Variants in PLCXD3 observed in about 807,000 individuals in gnomAD.
PLCXD3 encodes phosphatidylinositol specific phospholipase C X domain containing 3, also known as PI-PLC X domain-containing protein 3.
A neutral mutation model predicts 25.5 loss-of-function variants in PLCXD3; 19 were observed. That is an observed-to-expected ratio of 0.75 (90% CI 0.52 to 1.09). The LOEUF is 1.09. Ranked by LOEUF, PLCXD3 falls within the 50% of genes least tolerant of loss-of-function variation. The pLI is 0.00. For missense variants in PLCXD3, 411 were observed against 388.1 expected, an observed-to-expected ratio of 1.06 and a Z score of -0.50; for synonymous variants, 174 against 137.6, an observed-to-expected ratio of 1.26 and a Z score of -1.85.
intron 1 of PLCXD3, among the ~76,000 whole-genome samples, chr5:41,395,796 G>C (rs909965423): frequency 1.3e-5 from 2 of 152,066 alleles, no homozygotes; most frequent in African/African-American, 2.4e-5. Flanking sequence ...CAAGTAATGA[G>C]ATTGAAGCTG....
At chr5:41,340,986 C>T (rs1744124286) in intron 2 of PLCXD3, among the ~76,000 whole-genome samples, 1 of 151,894 alleles carries the variant, frequency 6.6e-6, no homozygotes, top group Non-Finnish European at 1.5e-5. Context: ...TGTTAATATC[C>T]CACCAAAGTA....
chr5:41,447,461 G>A (rs976652522), intron 1 of PLCXD3, among the ~76,000 whole-genome samples: 2 of 152,192 alleles, frequency 1.3e-5, no homozygotes, highest in African/African-American at 4.8e-5. Flanking sequence ...AAGAGAGAAG[G>A]AAGGAGGGAA....
chr5:41,433,280 C>A (rs1031369058), intron 1 of PLCXD3, among the ~76,000 whole-genome samples: 1 of 152,192 alleles, frequency 6.6e-6, no homozygotes, highest in Non-Finnish European at 1.5e-5. Context: ...ATGACACTAA[C>A]CTCATCTCCT....
At chr5:41,473,495 C>A (rs1468315670) in intron 1 of PLCXD3, among the ~76,000 whole-genome samples, 1 of 151,812 alleles carries the variant, frequency 6.6e-6, no homozygotes, top group African/African-American at 2.4e-5. Flanking sequence ...TGAGACGAGT[C>A]TTTCTCTGTT....
intron 1 of PLCXD3, among the ~76,000 whole-genome samples, chr5:41,442,818 G>A (rs902498119): frequency 6.6e-6 from 1 of 151,918 alleles, no homozygotes; most frequent in Admixed American, 6.6e-5. Flanking sequence ...CATTACTCTT[G>A]TCTTCCTTGT....
At chr5:41,445,844 T>C (rs1747482277) in intron 1 of PLCXD3, among the ~76,000 whole-genome samples, 1 of 151,992 alleles carries the variant, frequency 6.6e-6, no homozygotes, top group Admixed American at 6.6e-5. Flanking sequence ...TCATGATAAG[T>C]AATTAATTAA....
At chr5:41,491,804 C>A in intron 1 of PLCXD3, among the ~76,000 whole-genome samples, 1 of 152,046 alleles carries the variant, frequency 6.6e-6, no homozygotes, top group Admixed American at 6.5e-5. Context: ...TTCCTTCATC[C>A]TTTTATTTTG....
chr5:41,372,739 G>T (rs1472767594), intron 2 of PLCXD3, among the ~76,000 whole-genome samples: 2 of 151,926 alleles, frequency 1.3e-5, no homozygotes, highest in Admixed American at 1.3e-4. Context: ...GGACCCCAGA[G>T]AAACCTTAAA....
intron 1 of PLCXD3, among the ~76,000 whole-genome samples, chr5:41,405,427 C>A (rs1380998): frequency 0.27 from 41,584 of 151,952 alleles, 6,199 homozygotes; most frequent in African/African-American, 0.36. Context: ...ATCGTCTACC[C>A]CTCCTCCTAT....
intron 2 of PLCXD3, among the ~76,000 whole-genome samples, chr5:41,344,629 A>T (rs1329354484): frequency 6.6e-6 from 1 of 152,136 alleles, no homozygotes; most frequent in Non-Finnish European, 1.5e-5. Flanking sequence ...GACTGACATC[A>T]GTTAACAGAA....
chr5:41,433,405 G>T (rs1000671899), intron 1 of PLCXD3, among the ~76,000 whole-genome samples: 24 of 151,782 alleles, frequency 1.6e-4, no homozygotes, highest in Non-Finnish European at 1.0e-4. Flanking sequence ...TATTCACCAG[G>T]TACCTAAGGA....
chr5:41,365,372 AC>A (rs1426085922), intron 2 of PLCXD3, among the ~76,000 whole-genome samples: 1 of 152,208 alleles, frequency 6.6e-6, no homozygotes, highest in African/African-American at 2.4e-5. Flanking sequence ...TGAAGAAGTC[AC>A]TTTTGCCATC....
At chr5:41,381,111 T>A (rs912111401) in intron 2 of PLCXD3, among the ~76,000 whole-genome samples, 1 of 152,174 alleles carries the variant, frequency 6.6e-6, no homozygotes, top group Non-Finnish European at 1.5e-5. Flanking sequence ...TTGAACCTCA[T>A]TTTTTAAATC....
At chr5:41,482,525 T>A (rs1465004230) in intron 1 of PLCXD3, among the ~76,000 whole-genome samples, 1 of 152,154 alleles carries the variant, frequency 6.6e-6, no homozygotes, top group Admixed American at 6.5e-5. Context: ...GATATCACAC[T>A]AAAGAAGGAG....
chr5:41,489,323 G>A (rs566513559), intron 1 of PLCXD3, among the ~76,000 whole-genome samples: 1 of 152,046 alleles, frequency 6.6e-6, no homozygotes, highest in Non-Finnish European at 1.5e-5. Flanking sequence ...TGCTGTTTTG[G>A]TTACTGTAGC....
chr5:41,422,246 C>G (rs1746846699), intron 1 of PLCXD3, among the ~76,000 whole-genome samples: 2 of 152,160 alleles, frequency 1.3e-5, no homozygotes, highest in African/African-American at 2.4e-5. Flanking sequence ...TTCACATACG[C>G]CTTCTCCGTT....
At chr5:41,451,849 C>T (rs1747639748) in intron 1 of PLCXD3, among the ~76,000 whole-genome samples, 1 of 151,892 alleles carries the variant, frequency 6.6e-6, no homozygotes, top group South Asian at 2.1e-4. Context: ...ATTCACTGAG[C>T]AGTAAGAGAA....
chr5:41,440,168 C>T (rs1024399119), intron 1 of PLCXD3, among the ~76,000 whole-genome samples: 29 of 145,826 alleles, frequency 2.0e-4, no homozygotes, highest in African/African-American at 6.9e-4. Context: ...ATCTTAGCTC[C>T]GTTACTTATT....
At chr5:41,382,608 T>G in intron 1 of PLCXD3, 74 bp from the exon 2 acceptor site, 13 of 1,117,320 alleles carry the variant, frequency 1.2e-5, no homozygotes, top group African/African-American at 1.6e-5. Flanking sequence ...CCTCTTGCAA[T>G]ATCCATACCT....
Sources: allele counts gnomAD v4.1 joint callset (sites outside exome capture counted in the v4.1 genomes callset), GRCh38; gene constraint gnomAD v4.1.1; transcripts MANE v1.5; gene names NCBI Gene and HGNC (gene_info 2026-07-23, HGNC 2026-07-21).